RSPH14: variants seen among roughly 807,000 people sequenced by gnomAD.
RSPH14 encodes the protein radial spoke head 14 homolog.
RSPH14 carries 20 observed loss-of-function variants against 26.7 expected under a neutral mutation model. The observed-to-expected ratio is 0.75, with a 90% confidence interval of 0.53 to 1.09. RSPH14 has a LOEUF of 1.09. Ranked by LOEUF, RSPH14 falls within the 50% of genes least tolerant of loss-of-function variation. The pLI is 0.00. For synonymous variants in RSPH14, 177 were observed against 189.3 expected, an observed-to-expected ratio of 0.93 and a Z score of 0.53; for missense variants, 449 against 457.2, an observed-to-expected ratio of 0.98 and a Z score of 0.16.
chr22:23,152,918 C>T, the RSPH14 span: 18 of 763,540 alleles, frequency 2.4e-5, 1 homozygote, highest in African/African-American at 2.6e-4. Flanking sequence ...CGTGGACCAT[C>T]GCTTCCTGAT....
the RSPH14 span, among the ~76,000 whole-genome samples, chr22:23,152,166 G>GC: frequency 6.6e-6 from 1 of 152,186 alleles, no homozygotes; most frequent in African/African-American, 2.4e-5. Flanking sequence ...TCCTGCCTCT[G>GC]CCCCTCCACC....
chr22:23,164,686 C>G, the RSPH14 span, among the ~76,000 whole-genome samples: 35 of 152,270 alleles, frequency 2.3e-4, no homozygotes, highest in East Asian at 2.9e-3. Flanking sequence ...CCACAGTGAC[C>G]GCGTCCAAGT....
In RSPH14 at chr22:23,123,512, C is replaced by G. The variant is rs572731370; in HGVS notation, c.421+10514G>C. 9 of 862,438 alleles carry G rather than the reference C, an allele frequency of 1.0e-5. No individual in the cohort carries two copies. The African/African-American group carries it at 1.4e-4, about 13-fold the overall frequency. 53.4% of individuals were successfully genotyped at this position (862,438 alleles called of 1,614,324 possible). A position where few individuals can be genotyped will look rare whatever the true frequency, so the allele number is the denominator to read the frequency against. On this transcript the variant is annotated intron_variant, in intron 4 of 6. Transcript: ENST00000216036. ...CAACGCGTGCTAGAGAGGCCCAATC[C>G]AGGGGCAGAAAACAGGGGGCCTAAA...
chr22:23,107,210 C>T (rs1174567590), intron 4 of RSPH14, among the ~76,000 whole-genome samples: 3 of 152,144 alleles, frequency 2.0e-5, no homozygotes, highest in African/African-American at 2.4e-5. Flanking sequence ...AGGGGGCCAC[C>T]GGCAAGCAGA....
At chr22:23,087,892 T>C (rs2068861309) in intron 4 of RSPH14, among the ~76,000 whole-genome samples, 2 of 152,216 alleles carry the variant, frequency 1.3e-5, no homozygotes, top group African/African-American at 2.4e-5. Context: ...TCAGAATCTT[T>C]AGCCTTCAGC....
chr22:23,068,030 A>T (rs2068249850), intron 4 of RSPH14, among the ~76,000 whole-genome samples: 1 of 152,204 alleles, frequency 6.6e-6, no homozygotes, highest in South Asian at 2.1e-4. Flanking sequence ...AATTTAAAAG[A>T]CTAATGTTAA....
chr22:23,109,176 G>C (rs1569180738), intron 4 of RSPH14, among the ~76,000 whole-genome samples: 1 of 152,204 alleles, frequency 6.6e-6, no homozygotes, highest in Non-Finnish European at 1.5e-5. Flanking sequence ...AATAACTGCT[G>C]TCTCACAGCT....
rs2068049267 is a variant in RSPH14 at position 23,059,667 on chromosome 22, A to C, written c.842T>G (p.Leu281Arg). The stretch of plus-strand genomic sequence containing the variant: ...GCGCGCTATGGTCATGGGGGAGTGC[A>C]GCAGCTCCAGGAGCAGGCCGATGGC... ...AQAIGLLLEL[L>R]HSPMTIARLN... Residue 281 changes from leucine (L) to arginine (R), a missense_variant, in exon 7 of 7, where the codon CTG becomes CGG. Transcript: ENST00000216036. 1 of 1,581,632 alleles carries C rather than the reference A, an allele frequency of 6.3e-7. No homozygotes were observed. The highest frequency in any genetic ancestry group is 1.4e-5 in the African/African-American group (1 of 73,658).
intron 4 of RSPH14, among the ~76,000 whole-genome samples, chr22:23,108,313 G>C (rs2069544315): frequency 6.6e-6 from 1 of 152,274 alleles, no homozygotes; most frequent in Non-Finnish European, 1.5e-5. Context: ...GAGAACAGGG[G>C]CCAATGGTGC....
At chr22:23,067,864 G>A (rs1450704558) in intron 4 of RSPH14, among the ~76,000 whole-genome samples, 1 of 152,090 alleles carries the variant, frequency 6.6e-6, no homozygotes, top group South Asian at 2.1e-4. Context: ...ACTGAACTCA[G>A]CCTCACAGAC....
intron 4 of RSPH14, among the ~76,000 whole-genome samples, chr22:23,120,710 C>T (rs906628770): frequency 2.6e-5 from 4 of 152,018 alleles, no homozygotes; most frequent in Non-Finnish European, 4.4e-5. Context: ...GGCCAGATCA[C>T]GCCCTTCCCA....
At chr22:23,137,179 C>A (rs1295987908) in intron 3 of RSPH14, among the ~76,000 whole-genome samples, 2 of 138,614 alleles carry the variant, frequency 1.4e-5, no homozygotes, top group African/African-American at 2.6e-5. Context: ...GCAGCCTCTG[C>A]CTCTCTGGGT....
At chr22:23,176,580 A>T in the RSPH14 span, among the ~76,000 whole-genome samples, 8 of 151,900 alleles carry the variant, frequency 5.3e-5, no homozygotes, top group African/African-American at 1.4e-4. Flanking sequence ...TGTCGCCCCC[A>T]CGGCCTGGTG....
chr22:23,150,255 G>T, the RSPH14 span: 16 of 953,860 alleles, frequency 1.7e-5, no homozygotes, highest in Non-Finnish European at 2.5e-5. Context: ...CACGAGGCTG[G>T]TGCAGCCCTG....
chr22:23,074,980 C>G (rs904525336), intron 4 of RSPH14, among the ~76,000 whole-genome samples: 2 of 152,162 alleles, frequency 1.3e-5, no homozygotes, highest in Non-Finnish European at 2.9e-5. Context: ...CCAGCCTGAG[C>G]AACATGTAAG....
intron 4 of RSPH14, among the ~76,000 whole-genome samples, chr22:23,127,719 T>C (rs996480611): frequency 3.3e-5 from 5 of 152,132 alleles, no homozygotes; most frequent in Non-Finnish European, 7.4e-5. Context: ...TTCTGGGTGG[T>C]ATAGCTGTAG....
At chr22:23,105,435 C>T (rs930979218) in intron 4 of RSPH14, among the ~76,000 whole-genome samples, 1 of 152,262 alleles carries the variant, frequency 6.6e-6, no homozygotes, top group African/African-American at 2.4e-5. Context: ...TTCTCATGTC[C>T]CTCCCAGGAA....
rs190566890 is a variant in RSPH14 at position 23,116,107 on chromosome 22, G to A, written c.421+17919C>T. ...GTGCTCACCACGTGCCCAGGACCAC[G>A]TCTGTGTGTGCGTTTGCCTGGGTAA... On this transcript the variant is annotated intron_variant, in intron 4 of 6. Transcript: ENST00000216036. Among the ~76,000 whole-genome samples, 317 of 152,368 alleles carry A rather than the reference G, an allele frequency of 2.1e-3. 1 individual carries two copies. The highest frequency in any genetic ancestry group is 3.6e-3 in the Non-Finnish European group (246 of 68,042).
intron 4 of RSPH14, among the ~76,000 whole-genome samples, chr22:23,125,757 T>A (rs997773374): frequency 6.6e-6 from 1 of 152,312 alleles, no homozygotes; most frequent in East Asian, 1.9e-4. Context: ...TTGCTCCCAC[T>A]GGAGGAGCAG....
Sources: gnomAD v4.1 joint callset for allele counts (sites outside exome capture counted in the v4.1 genomes callset) on GRCh38, gnomAD v4.1.1 for gene constraint, MANE v1.5 for transcripts, NCBI Gene and HGNC (gene_info 2026-07-23, HGNC 2026-07-21) for gene names.